The following VRK2 variants were observed in gnomAD, a reference collection of about 807,000 sequenced individuals.
VRK2 encodes the protein VRK serine/threonine kinase 2.
In VRK2, 60 loss-of-function variants were observed where a neutral mutation model predicts 57.6. The observed-to-expected ratio is 1.04, with a 90% confidence interval of 0.85 to 1.29. The LOEUF is 1.29. Ranked by LOEUF, VRK2 falls within the 50% of genes most tolerant of loss-of-function variation. The pLI is 0.00. For synonymous variants in VRK2, 231 were observed against 199.2 expected (o/e 1.16, Z -1.35); for missense variants, 705 against 588.1 (o/e 1.20, Z -2.06).
chr2:58,082,895 T>C (rs536378910), intron 2 of VRK2, among the ~76,000 whole-genome samples: 4 of 151,890 alleles, frequency 2.6e-5, no homozygotes, highest in Middle Eastern at 3.4e-3. Flanking sequence ...TTGTGTATGA[T>C]TGGCTCAACT....
intron 1 of VRK2, among the ~76,000 whole-genome samples, chr2:57,979,093 C>T (rs1224035248): frequency 6.6e-6 from 1 of 151,102 alleles, no homozygotes; most frequent in Non-Finnish European, 1.5e-5. Flanking sequence ...GGTTCCATGT[C>T]TTTCCTATTG....
intron 3 of VRK2, chr2:58,041,215 A>G (rs1674443270): frequency 7.8e-6 from 2 of 255,682 alleles, no homozygotes; most frequent in Non-Finnish European, 1.2e-5. Context: ...TTTGAGAGAT[A>G]ATCTGATACA....
At chr2:58,070,552 G>T (rs1294564970) in intron 2 of VRK2, among the ~76,000 whole-genome samples, 1 of 152,014 alleles carries the variant, frequency 6.6e-6, no homozygotes, top group Non-Finnish European at 1.5e-5. Flanking sequence ...TTTCAGAATG[G>T]CATATAGTTA....
chr2:58,149,528 A>AT (rs1573410686), intron 12 of VRK2, among the ~76,000 whole-genome samples: 1 of 151,402 alleles, frequency 6.6e-6, no homozygotes, highest in South Asian at 2.1e-4. Context: ...CCCTTTATTT[A>AT]TTTTTTATCG....
intron 1 of VRK2, among the ~76,000 whole-genome samples, chr2:58,001,122 A>C (rs934811104): frequency 6.6e-6 from 1 of 152,234 alleles, no homozygotes; most frequent in Non-Finnish European, 1.5e-5. Flanking sequence ...AGATGGAATA[A>C]AAAAAGAAGC....
intron 1 of VRK2, among the ~76,000 whole-genome samples, chr2:57,961,181 C>G (rs528555297): frequency 6.6e-6 from 1 of 152,176 alleles, no homozygotes; most frequent in Admixed American, 6.5e-5. Context: ...AGCTGGATTT[C>G]TATCATTATC....
chr2:57,948,116 T>C (rs1671316895), intron 1 of VRK2, among the ~76,000 whole-genome samples: 1 of 152,184 alleles, frequency 6.6e-6, no homozygotes, highest in Non-Finnish European at 1.5e-5. Flanking sequence ...GGATGTTTTA[T>C]ATTCAAAGTG....
At chr2:58,030,659 T>G (rs1674083976) in intron 2 of VRK2, among the ~76,000 whole-genome samples, 1 of 151,532 alleles carries the variant, frequency 6.6e-6, no homozygotes, top group Non-Finnish European at 1.5e-5. Context: ...TGTGGCAGAT[T>G]GTACTTTTCA....
intron 1 of VRK2, among the ~76,000 whole-genome samples, chr2:58,001,743 A>T (rs975002004): frequency 4.6e-5 from 7 of 151,964 alleles, no homozygotes; most frequent in African/African-American, 1.7e-4. Flanking sequence ...AATCGCTTGA[A>T]CCTGGGAGGC....
chr2:57,927,683 A>C (rs1670584586), intron 1 of VRK2, among the ~76,000 whole-genome samples: 1 of 152,142 alleles, frequency 6.6e-6, no homozygotes, highest in Non-Finnish European at 1.5e-5. Context: ...TCATTTTTTC[A>C]GATTAAAAAA....
At chr2:58,153,922 G>A (rs1683411209) in intron 12 of VRK2, among the ~76,000 whole-genome samples, 1 of 152,072 alleles carries the variant, frequency 6.6e-6, no homozygotes, top group East Asian at 1.9e-4. Context: ...TTTCTGTAAA[G>A]AGCCAGATGG....
chr2:58,042,679 G>A (rs1034981774), upstream of VRK2, among the ~76,000 whole-genome samples: 1 of 152,128 alleles, frequency 6.6e-6, no homozygotes, highest in Non-Finnish European at 1.5e-5. Flanking sequence ...TCTTTGAAAA[G>A]CAGAACGCAT....
intron 2 of VRK2, among the ~76,000 whole-genome samples, chr2:58,065,684 T>C (rs1329947516): frequency 3.9e-5 from 6 of 152,288 alleles, no homozygotes; most frequent in African/African-American, 9.6e-5. Flanking sequence ...AATCTATTGA[T>C]AAATTTGGGG....
chr2:58,115,806 G>A (rs1331252274), intron 7 of VRK2, among the ~76,000 whole-genome samples: 1 of 152,214 alleles, frequency 6.6e-6, no homozygotes, highest in Non-Finnish European at 1.5e-5. Flanking sequence ...TACAGCCCAG[G>A]TAATTTGCTG....
intron 12 of VRK2, among the ~76,000 whole-genome samples, chr2:58,152,166 T>C (rs1008045517): frequency 6.6e-6 from 1 of 151,922 alleles, no homozygotes; most frequent in African/African-American, 2.4e-5. Flanking sequence ...CAGAATAATA[T>C]TACTGAGATA....
chr2:58,122,697 G>T (rs1331776953), intron 7 of VRK2, among the ~76,000 whole-genome samples: 1 of 152,054 alleles, frequency 6.6e-6, no homozygotes, highest in Non-Finnish European at 1.5e-5. Flanking sequence ...TAGAATGTTT[G>T]CTCTTATCTC....
chr2:57,920,170 G>T (rs988115783), intron 1 of VRK2, among the ~76,000 whole-genome samples: 2 of 152,058 alleles, frequency 1.3e-5, no homozygotes, highest in African/African-American at 4.8e-5. Flanking sequence ...GTTCCAAAGA[G>T]AAGCTTATCA....
intron 1 of VRK2, among the ~76,000 whole-genome samples, chr2:57,988,801 C>T (rs1281570293): frequency 6.6e-6 from 1 of 152,176 alleles, no homozygotes; most frequent in Admixed American, 6.5e-5. Context: ...CCCTGGTGTA[C>T]AAACAGCATA....
chr2:57,964,879 CAAAAAAAAAAAAAAAA>C (rs540446220), intron 1 of VRK2, among the ~76,000 whole-genome samples: 2 of 47,864 alleles, frequency 4.2e-5, no homozygotes, highest in Non-Finnish European at 7.3e-5. Context: ...GAATCCATCT[CAAAAAAAAAAAAAAAA>C]AAAAAAAAAA....
Sources: gnomAD v4.1 joint callset for allele counts (sites outside exome capture counted in the v4.1 genomes callset) on GRCh38, gnomAD v4.1.1 for gene constraint, MANE v1.5 for transcripts, NCBI Gene and HGNC (gene_info 2026-07-23, HGNC 2026-07-21) for gene names.